DNAH11: variants seen among roughly 807,000 people sequenced by gnomAD.
DNAH11 encodes the protein axonemal beta dynein heavy chain 11.
In DNAH11, 442 loss-of-function variants were observed where a neutral mutation model predicts 526.0. The ratio of observed to expected loss-of-function variants is 0.84; its 90% confidence interval spans 0.78 to 0.91. DNAH11 has a LOEUF of 0.91. Among genes scored for constraint, DNAH11 ranks in the 40% least tolerant of loss-of-function variants. The pLI, the probability that DNAH11 is intolerant of heterozygous loss-of-function variation, is 0.00. For missense variants in DNAH11, 6,989 were observed against 5,448.7 expected (o/e 1.28, Z -8.90); for synonymous variants, 2,461 against 1,935.9 (o/e 1.27, Z -7.12).
chr7:21,588,246 C>T (rs374387054), intron 10 of DNAH11, 45 bp downstream of exon 10: 92 of 1,570,520 alleles, frequency 5.9e-5, no homozygotes, highest in Middle Eastern at 3.5e-4. Context: ...ATCATTTAGG[C>T]GGATAATGAC....
chr7:21,850,364 AAAAAAG>A (rs1370371869), intron 66 of DNAH11, among the ~76,000 whole-genome samples: 36 of 150,900 alleles, frequency 2.4e-4, no homozygotes, highest in Admixed American at 5.9e-4. Flanking sequence ...CAAAAAAAAA[AAAAAAG>A]AAAAAGAAAA....
In DNAH11 at chr7:21,901,113, A is replaced by AGAAAC. The variant is rs1358416770; in HGVS notation, c.13411_13415dup (p.Gln4474ProfsTer14). ...CAAAAGCCACCCCCGTGGACAGACA[A>AGAAAC]GAAACCAAACAGACCTACGAGTGCC... is the stretch of plus-strand genomic sequence containing the variant. On this transcript the variant is annotated frameshift_variant, in exon 82 of 82. Coordinates refer to ENST00000409508, the MANE Select transcript of DNAH11 (RefSeq NM_001277115.2). LOFTEE classifies it high-confidence loss of function. 6.2e-7 allele frequency: 1 copy of AGAAAC among 1,613,334 alleles called. No individual in the cohort carries two copies. The highest frequency in any genetic ancestry group is 8.5e-7 in the Non-Finnish European group (1 of 1,179,502).
chr7:21,558,940 C>T lies in DNAH11; in HGVS notation c.634C>T (p.Leu212=). The change falls in exon 3 of 82, where the codon CTA becomes TTA. Residue 212 remains leucine, a synonymous_variant. Coordinates refer to ENST00000409508, the MANE Select transcript of DNAH11 (RefSeq NM_001277115.2). ...GGGCAAAATGTCTAGAAGAACTCTT[C>T]TACCAATTCCCACTGTTGCAGGAAA... is the stretch of plus-strand genomic sequence containing the variant. ...FRGKMSRRTL[L]PIPTVAGKMD... is the part of the protein sequence containing the mutation. 1 of 1,596,244 alleles carries T rather than the reference C, an allele frequency of 6.3e-7. No individual in the cohort carries two copies. The highest frequency in any genetic ancestry group is 8.5e-7 in the Non-Finnish European group (1 of 1,170,454).
intron 28 of DNAH11, among the ~76,000 whole-genome samples, chr7:21,651,269 A>G (rs1295219012): frequency 6.6e-6 from 1 of 152,214 alleles, no homozygotes. Flanking sequence ...GGTAGGGCAA[A>G]TACGAACTTA....
chr7:21,556,229 T>A (rs1436465305), intron 2 of DNAH11, among the ~76,000 whole-genome samples: 1 of 152,196 alleles, frequency 6.6e-6, no homozygotes, highest in African/African-American at 2.4e-5. Context: ...CTCTACATTC[T>A]GTTCACTTTT....
chr7:21,802,826 G>A (rs1337775426), intron 62 of DNAH11, among the ~76,000 whole-genome samples: 1 of 151,874 alleles, frequency 6.6e-6, no homozygotes, highest in Non-Finnish European at 1.5e-5. Context: ...TGGTTGCCAG[G>A]GGCTGGACAA....
chr7:21,866,902 CAG>C (rs1404969914), intron 71 of DNAH11, among the ~76,000 whole-genome samples: 2 of 152,152 alleles, frequency 1.3e-5, no homozygotes, highest in Non-Finnish European at 2.9e-5. Flanking sequence ...GTACTGGAGA[CAG>C]GGGACTGATG....
intron 65 of DNAH11, among the ~76,000 whole-genome samples, chr7:21,828,151 G>A (rs1343591045): frequency 6.6e-6 from 1 of 152,116 alleles, no homozygotes; most frequent in East Asian, 1.9e-4. Context: ...GTTTCACTAT[G>A]TTGGTCAGGC....
chr7:21,899,801 C>T (rs1208074156), intron 80 of DNAH11, among the ~76,000 whole-genome samples, 179 bp from the exon 81 acceptor site: 1 of 152,170 alleles, frequency 6.6e-6, no homozygotes, highest in Non-Finnish European at 1.5e-5. Flanking sequence ...TCTACAGAAA[C>T]AGCGAGCTTG....
In DNAH11 at chr7:21,617,741, G is replaced by C; in HGVS notation, c.4218G>C (p.Arg1406Ser). Residue 1406 changes from arginine to serine, a missense_variant, in exon 23 of 82, where the codon AGG becomes AGC. Physicochemically the swap from Arg to Ser is moderately radical, Grantham distance 110. Coordinates refer to ENST00000409508, the MANE Select transcript of DNAH11 (RefSeq NM_001277115.2). ...AITELQSPAL[R>S]DRHWHQLMKA... is the part of the protein sequence containing the mutation. Reference sequence around the variant, plus strand: ...CAGAGTTACAGAGCCCTGCCCTCAGGGACAGGCATTGGCACCAGCTGATGA... The same window carrying C: ...CAGAGTTACAGAGCCCTGCCCTCAGCGACAGGCATTGGCACCAGCTGATGA... 1 of 1,609,072 alleles carries C rather than the reference G, an allele frequency of 6.2e-7. No homozygotes were observed. Among genetic ancestry groups the C allele is most frequent in the Non-Finnish European group, 8.5e-7 (1 of 1,177,946 alleles).
At chr7:21,847,046 C>T (rs112769158) in intron 66 of DNAH11, among the ~76,000 whole-genome samples, 3,223 of 152,226 alleles carry the variant, frequency 0.021, 114 homozygotes, top group African/African-American at 0.073. Flanking sequence ...GCCCCTCTTT[C>T]ATTTCTCATA....
At chr7:21,627,985 T>A (rs937876151) in intron 25 of DNAH11, among the ~76,000 whole-genome samples, 1 of 152,168 alleles carries the variant, frequency 6.6e-6, no homozygotes, top group African/African-American at 2.4e-5. Flanking sequence ...ATAGAAACTT[T>A]CACTTTTCAT....
At position 21,814,481 on chromosome 7, in the gene DNAH11, C is replaced by T. The variant is rs375691477; in HGVS notation, c.10333-1986C>T. On this transcript the variant is annotated intron_variant, in intron 63 of 81. Transcript: ENST00000409508. Reference sequence around the variant, plus strand: ...CTGCACCCACTAACTCGTCATCTAGCATTAGGTATATCTCCCAATGCTATC... The same window carrying T: ...CTGCACCCACTAACTCGTCATCTAGTATTAGGTATATCTCCCAATGCTATC... 5.3e-5 allele frequency among the ~76,000 whole-genome samples: 8 copies of T among 151,126 alleles called. No individual in the cohort carries two copies. The East Asian group carries it at 1.4e-3, about 26-fold the overall frequency.
At chr7:21,822,461 CA>C (rs1331862822) in intron 65 of DNAH11, among the ~76,000 whole-genome samples, 2 of 152,162 alleles carry the variant, frequency 1.3e-5, no homozygotes, top group African/African-American at 4.8e-5. Context: ...CCACCTCCAA[CA>C]TTGATGGTCA....
chr7:21,580,458 G>A (rs1435414278), intron 8 of DNAH11, among the ~76,000 whole-genome samples: 1 of 152,214 alleles, frequency 6.6e-6, no homozygotes, highest in African/African-American at 2.4e-5. Flanking sequence ...CTGCTTTTCA[G>A]CTTGTGTGAA....
chr7:21,681,599 A>G lies in DNAH11; in HGVS notation c.5382A>G (p.Gly1794=). ...ITLLLGELPP[G]DRQKIMTICT... is the part of the protein sequence containing the mutation. Reference sequence around the variant, plus strand: ...TTTTGCTGGGAGAACTTCCACCTGGAGACAGACAGAAGATCATGACAATTT... The same window carrying G: ...TTTTGCTGGGAGAACTTCCACCTGGGGACAGACAGAAGATCATGACAATTT... Residue 1794 remains glycine (G), a synonymous_variant, in exon 31 of 82, where the codon GGA becomes GGG. Coordinates refer to ENST00000409508, the MANE Select transcript of DNAH11 (RefSeq NM_001277115.2). 1 of 1,613,830 alleles carries G rather than the reference A, an allele frequency of 6.2e-7. No homozygotes were observed. Among genetic ancestry groups the G allele is most frequent in the Non-Finnish European group, 8.5e-7 (1 of 1,179,752 alleles).
Position 21,892,443 on chromosome 7 carries a change from C to T in DNAH11, c.12526C>T (p.Leu4176=), listed in dbSNP as rs754605534. 1 of 1,611,198 alleles carries T rather than the reference C, an allele frequency of 6.2e-7. No individual in the cohort carries two copies. Among genetic ancestry groups the T allele is most frequent in the Non-Finnish European group, 8.5e-7 (1 of 1,177,890 alleles). ...NPSLTEDELM[L]APGFAAPPYL... is the part of the protein sequence containing the mutation. The stretch of plus-strand genomic sequence containing the variant: ...GTTCAAGACTGAAGATGAACTGATG[C>T]TGGCACCAGGTTTTGCTGCCCCACC... Residue 4176 remains leucine, a synonymous_variant, in exon 77 of 82, where the codon CTG becomes TTG. Coordinates refer to ENST00000409508, the MANE Select transcript of DNAH11 (RefSeq NM_001277115.2).
chr7:21,543,211 C>T lies in DNAH11; in HGVS notation c.-35C>T. ...GGGGCCCAGAGTCTCGGGTGAGGAGCCAGCCGGCCTCGCGTTCCCTCGGAC... is the reference window on the plus strand; with the variant it reads ...GGGGCCCAGAGTCTCGGGTGAGGAGTCAGCCGGCCTCGCGTTCCCTCGGAC... On this transcript the variant is annotated 5_prime_UTR_variant, in exon 1 of 82. Coordinates refer to ENST00000409508, the MANE Select transcript of DNAH11 (RefSeq NM_001277115.2). 6.7e-7 allele frequency: 1 copy of T among 1,484,508 alleles called. No individual in the cohort carries two copies. Among genetic ancestry groups the T allele is most frequent in the South Asian group, 1.3e-5 (1 of 74,990 alleles). 92.0% of individuals were successfully genotyped at this position (1,484,508 alleles called of 1,614,324 possible).
rs1318144064 is a variant in DNAH11 at position 21,599,922 on chromosome 7, G to A, written c.2803G>A (p.Glu935Lys). ...CTTAGACTTCTTTCTGAAGAATACA[G>A]AGAAACAATTGAAACCGGCACCGTT... ...HDLDFFLKNT[E>K]KQLKPAPFFQ... Residue 935 changes from glutamate (E) to lysine (K), a missense_variant, in exon 15 of 82, where the codon GAG (glutamate) becomes AAG (lysine). Glu to Lys is a moderately conservative substitution (Grantham distance 56). Coordinates refer to ENST00000409508, the MANE Select transcript of DNAH11 (RefSeq NM_001277115.2). 8 of 1,601,556 alleles carry A rather than the reference G, an allele frequency of 5.0e-6. No individual in the cohort carries two copies. Among genetic ancestry groups the A allele is most frequent in the Non-Finnish European group, 6.8e-6 (8 of 1,171,944 alleles).
Sources: allele counts gnomAD v4.1 joint callset (sites outside exome capture counted in the v4.1 genomes callset), GRCh38; gene constraint gnomAD v4.1.1; transcripts MANE v1.5; gene names NCBI Gene and HGNC (gene_info 2026-07-23, HGNC 2026-07-21).